The following CDKAL1 variants were observed in gnomAD, a reference collection of about 807,000 sequenced individuals.
The protein encoded by CDKAL1 is CDKAL1 threonylcarbamoyladenosine tRNA methylthiotransferase.
In CDKAL1, 32 loss-of-function variants were observed where a neutral mutation model predicts 68.2. The ratio of observed to expected loss-of-function variants is 0.47; its 90% CI spans 0.35 to 0.63. The LOEUF (loss-of-function observed/expected upper bound fraction) is 0.63. Ranked by LOEUF, CDKAL1 falls within the 30% of genes least tolerant of loss-of-function variation. The probability of loss-of-function intolerance (pLI) is 0.00; values close to 1 mark genes in which losing one functional copy is unlikely to be tolerated. For missense variants in CDKAL1, 606 were observed against 696.7 expected (o/e 0.87, Z 1.47); for synonymous variants, 234 against 244.3 (o/e 0.96, Z 0.39).
chr6:20,716,450 T>C lies in CDKAL1; in HGVS notation c.372-23069T>C, dbSNP rs76358453. ...AAGTACAGCAAGAGATGATGTGGCT[T>C]GGATGAGTGTGGTGCCAGTGGAGAT... On this transcript the variant is annotated intron_variant, in intron 5 of 15. Transcript: ENST00000274695. Among the ~76,000 whole-genome samples, 244 of 152,236 alleles carry C rather than the reference T, an allele frequency of 1.6e-3. 2 individuals carry two copies. The highest frequency in any genetic ancestry group is 3.2e-3 in the Non-Finnish European group (215 of 68,018).
rs147265010 is a variant in CDKAL1, at chr6:21,230,755, C to T, written c.1549-93C>T. 2.4e-3 allele frequency: 2,376 copies of T among 987,772 alleles called. 46 individuals carry two copies. Among genetic ancestry groups the T allele is most frequent in the South Asian group, 1.4e-3 (60 of 43,854 alleles). The allele number at this position is 987,772 out of a possible 1,614,324, so 61.2% of individuals were successfully genotyped here. On this transcript the variant is annotated intron_variant, in intron 15 of 15. Transcript: ENST00000274695. ...CTCTGTTGAAGGAGTACATAAAAGG[C>T]GGCACCTTCTGGAACCCATTGCTTG...
chr6:20,729,198 A>G (rs1447719952), intron 5 of CDKAL1, among the ~76,000 whole-genome samples: 2 of 152,162 alleles, frequency 1.3e-5, no homozygotes, highest in African/African-American at 2.4e-5. Context: ...CAAGTTAGGC[A>G]GGTAGTTAGG....
intron 9 of CDKAL1, among the ~76,000 whole-genome samples, chr6:20,931,096 G>A (rs908013716): frequency 1.3e-5 from 2 of 152,202 alleles, no homozygotes; most frequent in Non-Finnish European, 2.9e-5. Context: ...CAGTAATTAA[G>A]CTGCCTTGGC....
chr6:20,721,006 C>A (rs2127844495), intron 5 of CDKAL1, among the ~76,000 whole-genome samples: 1 of 152,200 alleles, frequency 6.6e-6, no homozygotes, highest in East Asian at 1.9e-4. Flanking sequence ...TACATGTGCA[C>A]AACGTGCAGG....
chr6:20,645,666 G>A (rs752549843), intron 4 of CDKAL1, among the ~76,000 whole-genome samples: 21 of 151,792 alleles, frequency 1.4e-4, no homozygotes, highest in Non-Finnish European at 2.9e-5. Flanking sequence ...GGGAGGCGGA[G>A]GTTGCAGTGA....
intron 13 of CDKAL1, among the ~76,000 whole-genome samples, chr6:21,159,908 G>A (rs1776830202): frequency 6.6e-6 from 1 of 152,238 alleles, no homozygotes; most frequent in African/African-American, 2.4e-5. Context: ...ACAGACAAGA[G>A]TGGGAGATTA....
chr6:20,829,503 G>A (rs7768091), intron 8 of CDKAL1, among the ~76,000 whole-genome samples: 146,025 of 152,316 alleles, frequency 0.96, 70,010 homozygotes, highest in East Asian at 1. Flanking sequence ...CTCATATCAC[G>A]AAAACTTTCT....
chr6:20,556,131 T>C (rs1379051585), intron 4 of CDKAL1, among the ~76,000 whole-genome samples: 1 of 151,940 alleles, frequency 6.6e-6, no homozygotes. Context: ...TTGGGCGGCC[T>C]AGGCAGGTGG....
intron 13 of CDKAL1, among the ~76,000 whole-genome samples, chr6:21,167,747 A>C (rs9368285): frequency 0.12 from 17,721 of 152,186 alleles, 1,428 homozygotes; most frequent in East Asian, 0.35. Flanking sequence ...GACATTCTTC[A>C]CCAGTGAAAT....
chr6:20,936,731 A>G (rs1763737698), intron 9 of CDKAL1, among the ~76,000 whole-genome samples: 1 of 152,214 alleles, frequency 6.6e-6, no homozygotes, highest in Non-Finnish European at 1.5e-5. Context: ...CTTCTTATTT[A>G]AAGAAAAATG....
chr6:20,930,547 G>A (rs1368983779), intron 9 of CDKAL1, among the ~76,000 whole-genome samples: 1 of 152,142 alleles, frequency 6.6e-6, no homozygotes, highest in Non-Finnish European at 1.5e-5. Context: ...AAAGGCAATG[G>A]CCGCTGGTCC....
At chr6:21,182,975 C>T (rs1251997010) in intron 13 of CDKAL1, among the ~76,000 whole-genome samples, 6 of 152,088 alleles carry the variant, frequency 3.9e-5, no homozygotes, top group Non-Finnish European at 8.8e-5. Flanking sequence ...AGATGATGGG[C>T]CCCTGACCAT....
intron 13 of CDKAL1, among the ~76,000 whole-genome samples, chr6:21,176,569 T>C (rs1004240034): frequency 2.0e-5 from 3 of 152,032 alleles, no homozygotes; most frequent in Non-Finnish European, 2.9e-5. Context: ...CGCCTGCACA[T>C]GAAGGATAGT....
At position 20,924,067 on chromosome 6, in the gene CDKAL1, G is replaced by A. The variant is rs114260274; in HGVS notation, c.743-31352G>A. ...TGTCAAAAGCCAAGGCAGGCTGAAAGCTGGGTCTCTTGTACCATTGGTCAT... is the reference window on the plus strand; with the variant it reads ...TGTCAAAAGCCAAGGCAGGCTGAAAACTGGGTCTCTTGTACCATTGGTCAT... On this transcript the variant is annotated intron_variant, in intron 9 of 15. Coordinates refer to ENST00000274695, the MANE Select transcript of CDKAL1 (RefSeq NM_017774.3). Among the ~76,000 whole-genome samples the A allele has an allele frequency of 3.1e-3, 466 of 151,714 alleles. 2 individuals carry two copies. The highest frequency in any genetic ancestry group is 8.6e-3 in the African/African-American group (356 of 41,316).
intron 5 of CDKAL1, among the ~76,000 whole-genome samples, chr6:20,676,056 G>A (rs1770080062): frequency 6.6e-6 from 1 of 151,936 alleles, no homozygotes; most frequent in South Asian, 2.1e-4. Context: ...AATAAAAAAA[G>A]GTTATGGAAT....
intron 8 of CDKAL1, among the ~76,000 whole-genome samples, chr6:20,813,137 G>T (rs1019619225): frequency 6.6e-6 from 1 of 152,004 alleles, no homozygotes; most frequent in Non-Finnish European, 1.5e-5. Context: ...TCTCTCAAGA[G>T]AATCTTGCTT....
chr6:21,038,964 A>G (rs1454712539), intron 11 of CDKAL1, among the ~76,000 whole-genome samples: 1 of 152,144 alleles, frequency 6.6e-6, no homozygotes, highest in Non-Finnish European at 1.5e-5. Context: ...AGCCAGTATT[A>G]TATATTTATT....
chr6:20,572,429 T>C (rs1764741778), intron 4 of CDKAL1, among the ~76,000 whole-genome samples: 1 of 152,180 alleles, frequency 6.6e-6, no homozygotes, highest in South Asian at 2.1e-4. Context: ...AATATTAATA[T>C]GGCATGTCTG....
intron 4 of CDKAL1, among the ~76,000 whole-genome samples, chr6:20,567,550 A>G (rs1764510283): frequency 6.6e-6 from 1 of 152,086 alleles, no homozygotes; most frequent in Non-Finnish European, 1.5e-5. Flanking sequence ...AATAGGATAT[A>G]TAATGGATAG....
Sources: gnomAD v4.1 joint callset for allele counts (sites outside exome capture counted in the v4.1 genomes callset) on GRCh38, gnomAD v4.1.1 for gene constraint, MANE v1.5 for transcripts, NCBI Gene and HGNC (gene_info 2026-07-23, HGNC 2026-07-21) for gene names.